Variants in AKNA observed in about 807,000 individuals in gnomAD.
AKNA encodes AT-hook transcription factor, also known as microtubule organization protein AKNA.
A neutral mutation model predicts 138.8 loss-of-function variants in AKNA; 67 were observed. The observed-to-expected ratio is 0.48, with a 90% CI of 0.40 to 0.59. The LOEUF is 0.59. Ranked by LOEUF, AKNA falls within the 20% of genes least tolerant of loss-of-function variation. The probability of loss-of-function intolerance (pLI) is 0.00; values close to 1 mark genes in which losing one functional copy is unlikely to be tolerated. For synonymous variants in AKNA, 737 were observed against 754.4 expected (o/e 0.98, Z 0.38); for missense variants, 1,813 against 1,880.4 (o/e 0.96, Z 0.66).
At chr9:114,341,210 T>G (rs1470370509) in intron 21 of AKNA, among the ~76,000 whole-genome samples, 1 of 151,990 alleles carries the variant, frequency 6.6e-6, no homozygotes, top group Non-Finnish European at 1.5e-5. Flanking sequence ...AGAAAACCCA[T>G]AAGGAAAATG....
At chr9:114,358,382 C>T in intron 11 of AKNA, 1 of 568,868 alleles carries the variant, frequency 1.8e-6, no homozygotes, top group South Asian at 2.3e-5. Flanking sequence ...AATATGGATG[C>T]CAACAAAACC....
Position 114,345,082 on chromosome 9 carries a change from T to C in AKNA, c.3661+781A>G, listed in dbSNP as rs991622261. On this transcript the variant is annotated intron_variant, in intron 18 of 21. Transcript: ENST00000374088. ...ATCCATATATATATATATATATATATATTTATGTATTTTTGAGACGGAGTC... is the reference window on the plus strand; with the variant it reads ...ATCCATATATATATATATATATATACATTTATGTATTTTTGAGACGGAGTC... 13 of 150,800 alleles carry C rather than the reference T, an allele frequency of 8.6e-5. 2 individuals carry two copies. In the Middle Eastern group the frequency reaches 0.034, roughly 397 times the overall value. 9.3% of individuals were successfully genotyped at this position (150,800 alleles called of 1,614,324 possible).
In AKNA at chr9:114,345,894, T is replaced by C; in HGVS notation, c.3630A>G (p.Pro1210=). Residue 1210 remains proline, a synonymous_variant, in exon 18 of 22, where the codon CCA becomes CCG. Transcript: ENST00000374088. The part of the protein sequence containing the change: ...GKRGVGSAGW[P]DRVTFRGQYT... Reference sequence around the variant, plus strand: ...ATTGGCCCCGGAAGGTGACCCTGTCTGGCCATCCAGCACTGCCCACCCCTC... The same window carrying C: ...ATTGGCCCCGGAAGGTGACCCTGTCCGGCCATCCAGCACTGCCCACCCCTC... 6.2e-7 allele frequency: 1 copy of C among 1,614,130 alleles called. No homozygotes were observed. The highest frequency in any genetic ancestry group is 2.2e-5 in the East Asian group (1 of 44,876).
At chr9:114,386,504 A>C (rs1834044398) in intron 1 of AKNA, among the ~76,000 whole-genome samples, 1 of 152,190 alleles carries the variant, frequency 6.6e-6, no homozygotes, top group South Asian at 2.1e-4. Flanking sequence ...TCGTTAGGGC[A>C]GCAGGGCTGC....
chr9:114,370,566 CG>C (rs1346420795), intron 4 of AKNA, among the ~76,000 whole-genome samples: 1 of 152,140 alleles, frequency 6.6e-6, no homozygotes, highest in African/African-American at 2.4e-5. Context: ...GCAGCTGCTC[CG>C]GCCAGGCCCT....
intron 13 of AKNA, among the ~76,000 whole-genome samples, chr9:114,356,490 T>C (rs1700453724): frequency 2.6e-5 from 4 of 152,180 alleles, no homozygotes; most frequent in Admixed American, 2.6e-4. Flanking sequence ...TCTTCACCCC[T>C]GTCCCCTCCG....
Position 114,341,706 on chromosome 9 carries a change from C to G in AKNA, c.3894G>C (p.Thr1298=), listed in dbSNP as rs1458802146. The G allele has an allele frequency of 1.9e-6, 3 of 1,581,342 alleles. No individual in the cohort carries two copies. The highest frequency in any genetic ancestry group is 2.3e-5 in the South Asian group (2 of 86,440). The change falls in exon 21 of 22, where the codon ACG becomes ACC. Residue 1298 remains threonine (T), a synonymous_variant. Transcript: ENST00000374088. ...TGGGAGTTGAAGATGCTTTTCTCCT[C>G]GTGGTGGCCTTCTCTGCCCCTATCA... The part of the protein sequence containing the change: ...SATSGAEKAT[T]RRKASSTPSP...
chr9:114,380,844 A>C (rs939865685), intron 2 of AKNA, among the ~76,000 whole-genome samples: 3 of 151,022 alleles, frequency 2.0e-5, no homozygotes, highest in African/African-American at 7.3e-5. Context: ...ACAACCGGGC[A>C]TGGTGGCGCA....
chr9:114,372,968 G>GGGC (rs1554842079), intron 4 of AKNA, among the ~76,000 whole-genome samples: 1 of 137,410 alleles, frequency 7.3e-6, no homozygotes, highest in Non-Finnish European at 1.6e-5. Context: ...ACGCAGCGGG[G>GGGC]GGGGGGGGGG....
chr9:114,398,176 A>T (rs887874531), upstream of AKNA, among the ~76,000 whole-genome samples: 1 of 152,034 alleles, frequency 6.6e-6, no homozygotes, highest in Non-Finnish European at 1.5e-5. The surrounding 1 kb of genome is among the most constrained non-coding windows in gnomAD (Gnocchi z 4.2). Flanking sequence ...GTGGAGACTG[A>T]GGAACCCCGC....
intron 19 of AKNA, among the ~76,000 whole-genome samples, chr9:114,342,646 A>C (rs1455914541): frequency 6.6e-6 from 1 of 152,032 alleles, no homozygotes; most frequent in Admixed American, 6.6e-5. Flanking sequence ...TCCCACATAC[A>C]TCCCCAATGC....
chr9:114,338,549 T>C (rs1009676231), intron 21 of AKNA, among the ~76,000 whole-genome samples: 1 of 152,214 alleles, frequency 6.6e-6, no homozygotes, highest in Non-Finnish European at 1.5e-5. Context: ...TGCCTTTATC[T>C]TTATTTTACA....
chr9:114,337,141 G>A lies in AKNA; in HGVS notation c.4233C>T (p.Ser1411=), dbSNP rs140122242. Residue 1411 remains serine (S), a synonymous_variant, in exon 22 of 22, where the codon AGC becomes AGT. Coordinates refer to ENST00000374088, the MANE Select transcript of AKNA (RefSeq NM_001317950.2). The part of the protein sequence containing the change: ...ALSRAVQAAE[S]VRSTTRQMRS... Reference sequence around the variant, plus strand: ...TCATCTGCCTGGTGGTAGAGCGGACGCTCTCGGCAGCCTGCACGGCCCGGC... The same window carrying A: ...TCATCTGCCTGGTGGTAGAGCGGACACTCTCGGCAGCCTGCACGGCCCGGC... 265 of 1,609,984 alleles carry A rather than the reference G, an allele frequency of 1.6e-4. No homozygotes were observed. The African/African-American group carries it at 2.7e-3, about 16-fold the overall frequency.
upstream of AKNA, among the ~76,000 whole-genome samples, chr9:114,389,135 GT>G (rs1203653826): frequency 1.3e-5 from 2 of 152,180 alleles, no homozygotes; most frequent in Non-Finnish European, 2.9e-5. Flanking sequence ...GGGGCAGAGT[GT>G]TCTGGGAGGG....
At chr9:114,397,852 T>C (rs897859838), upstream of AKNA, among the ~76,000 whole-genome samples, 7 of 152,138 alleles carry the variant, frequency 4.6e-5, no homozygotes, top group African/African-American at 1.7e-4. Flanking sequence ...TTGTTCTACC[T>C]TCCCCCCCGC....
chr9:114,366,623 C>A (rs530093300), intron 6 of AKNA, among the ~76,000 whole-genome samples: 1 of 149,088 alleles, frequency 6.7e-6, no homozygotes, highest in Non-Finnish European at 1.5e-5. Flanking sequence ...ATGAGTCAAC[C>A]GCATGGTATG....
At position 114,342,008 on chromosome 9, in the gene AKNA, C is replaced by A. The variant is rs1207574750; in HGVS notation, c.3874+1G>T. 6.2e-7 allele frequency: 1 copy of A among 1,611,732 alleles called. No homozygotes were observed. Among genetic ancestry groups the A allele is most frequent in the South Asian group, 1.1e-5 (1 of 91,018 alleles). On this transcript the variant is annotated splice_donor_variant, in intron 20 of 21. Transcript: ENST00000374088. LOFTEE classifies it high-confidence loss of function. ...AGAGAAGAAACAGTATTTGTCCCTA[C>A]CAGAGGTGGCTGAGCCTGGACCATC...
intron 18 of AKNA, 123 bp downstream of exon 18, chr9:114,345,740 A>T: frequency 1.1e-6 from 1 of 906,544 alleles, no homozygotes; most frequent in Non-Finnish European, 1.6e-6. Context: ...TTTTCATATC[A>T]CAGAACTGAT....
At chr9:114,397,067 C>A (rs1834556901), upstream of AKNA, among the ~76,000 whole-genome samples, 2 of 152,020 alleles carry the variant, frequency 1.3e-5, no homozygotes. Flanking sequence ...TGATGAAATC[C>A]CCTTGCAACA....
Sources: allele counts gnomAD v4.1 joint callset (sites outside exome capture counted in the v4.1 genomes callset), GRCh38; gene constraint gnomAD v4.1.1; non-coding constraint Gnocchi (gnomAD v3.1); transcripts MANE v1.5; gene names NCBI Gene and HGNC (gene_info 2026-07-23, HGNC 2026-07-21).